Variants in TTC27 observed in about 807,000 individuals in gnomAD.
The protein encoded by TTC27 is tetratricopeptide repeat domain 27, also known as tetratricopeptide repeat protein 27.
TTC27 carries 79 observed loss-of-function variants against 115.9 expected under a neutral mutation model. The observed-to-expected ratio is 0.68, with a 90% CI of 0.57 to 0.82. The LOEUF is 0.82. Among genes scored for constraint, TTC27 ranks in the 40% least tolerant of loss-of-function variants. TTC27 has a pLI of 0.00. For synonymous variants in TTC27, 401 were observed against 356.0 expected (o/e 1.13, Z -1.42); for missense variants, 1,054 against 993.1 (o/e 1.06, Z -0.82).
At chr2:32,705,969 C>T (rs1376590887) in intron 10 of TTC27, among the ~76,000 whole-genome samples, 1 of 150,830 alleles carries the variant, frequency 6.6e-6, no homozygotes, top group Non-Finnish European at 1.5e-5. Context: ...AGAGCTTTCT[C>T]TTCTCATTTA....
At chr2:32,668,952 G>A (rs1031106192) in intron 7 of TTC27, among the ~76,000 whole-genome samples, 4 of 151,898 alleles carry the variant, frequency 2.6e-5, no homozygotes, top group Admixed American at 6.6e-5. Context: ...GGTGGCAGGC[G>A]CCTGTAGTCC....
intron 13 of TTC27, among the ~76,000 whole-genome samples, chr2:32,760,551 C>T (rs1181026698): frequency 6.6e-6 from 1 of 152,142 alleles, no homozygotes; most frequent in East Asian, 1.9e-4. Context: ...GAGAAACCCT[C>T]CTCTAACTTG....
At chr2:32,767,012 C>T (rs555302289) in intron 13 of TTC27, among the ~76,000 whole-genome samples, 25 of 152,242 alleles carry the variant, frequency 1.6e-4, no homozygotes, top group Admixed American at 1.6e-3. Context: ...TTTTGAACTC[C>T]TGGCCTCAAG....
At position 32,821,001 on chromosome 2, in the gene TTC27, A is replaced by G; in HGVS notation, c.*63A>G. ...CTGCTGGTAAAAGATACATCTGTAT[A>G]TCTGAAATGCAAGATATTGATTTTT... On this transcript the variant is annotated 3_prime_UTR_variant, in exon 20 of 20. Transcript: ENST00000317907. 7 of 1,345,066 alleles carry G rather than the reference A, an allele frequency of 5.2e-6. No individual in the cohort carries two copies. Among genetic ancestry groups the G allele is most frequent in the Non-Finnish European group, 6.8e-6 (7 of 1,029,542 alleles). The allele number at this position is 1,345,066 out of a possible 1,614,324, so 83.3% of individuals were successfully genotyped here.
At chr2:32,766,037 T>C (rs1397116817) in intron 13 of TTC27, among the ~76,000 whole-genome samples, 1 of 152,242 alleles carries the variant, frequency 6.6e-6, no homozygotes, top group Non-Finnish European at 1.5e-5. Flanking sequence ...GGAGCACTTT[T>C]AATTTCCTTC....
chr2:32,806,510 C>T (rs1671131608), intron 16 of TTC27, among the ~76,000 whole-genome samples: 1 of 152,106 alleles, frequency 6.6e-6, no homozygotes, highest in African/African-American at 2.4e-5. Flanking sequence ...TATACAATTA[C>T]TGTAATGGTT....
At chr2:32,682,731 C>T (rs534207378) in intron 9 of TTC27, among the ~76,000 whole-genome samples, 103 of 148,216 alleles carry the variant, frequency 6.9e-4, no homozygotes, top group African/African-American at 1.9e-3. Flanking sequence ...TGCAATGGCG[C>T]GATCTCAACT....
At chr2:32,739,522 T>C (rs1444233159) in intron 12 of TTC27, among the ~76,000 whole-genome samples, 3 of 152,158 alleles carry the variant, frequency 2.0e-5, no homozygotes, top group Non-Finnish European at 4.4e-5. Flanking sequence ...TTGTGTGTAA[T>C]AATGACAAAT....
At chr2:32,713,686 T>C (rs1667658698) in intron 10 of TTC27, among the ~76,000 whole-genome samples, 1 of 152,244 alleles carries the variant, frequency 6.6e-6, no homozygotes. Flanking sequence ...CTGTTTATAC[T>C]GCAATTTGAC....
At chr2:32,638,402 G>A (rs1011861469) in intron 3 of TTC27, among the ~76,000 whole-genome samples, 59 of 151,886 alleles carry the variant, frequency 3.9e-4, no homozygotes, top group African/African-American at 1.3e-3. Flanking sequence ...TTTTTCTAAG[G>A]CAGTCTCGCT....
At chr2:32,730,795 T>C (rs767355992) in intron 10 of TTC27, among the ~76,000 whole-genome samples, 2 of 151,816 alleles carry the variant, frequency 1.3e-5, no homozygotes, top group Non-Finnish European at 2.9e-5. Context: ...CTGATTTTTG[T>C]ATTTTTAGTA....
chr2:32,693,679 T>C (rs1666888153), intron 9 of TTC27, among the ~76,000 whole-genome samples: 1 of 152,202 alleles, frequency 6.6e-6, no homozygotes, highest in African/African-American at 2.4e-5. Flanking sequence ...TCATACTGTA[T>C]ATAAAACATA....
intron 13 of TTC27, among the ~76,000 whole-genome samples, chr2:32,776,595 T>A (rs1327300718): frequency 6.6e-6 from 1 of 152,076 alleles, no homozygotes; most frequent in East Asian, 1.9e-4. Flanking sequence ...TTTGTTAGTT[T>A]TTTGTGTTTT....
intron 10 of TTC27, among the ~76,000 whole-genome samples, chr2:32,703,327 C>A (rs1667255619): frequency 6.6e-6 from 1 of 152,076 alleles, no homozygotes; most frequent in Admixed American, 6.6e-5. Context: ...ATTAGCCAGG[C>A]GTGGTGGTGG....
At chr2:32,668,027 T>C (rs1279133988) in intron 7 of TTC27, among the ~76,000 whole-genome samples, 1 of 148,012 alleles carries the variant, frequency 6.8e-6, no homozygotes. Flanking sequence ...CTATTAAAAA[T>C]ACAAAAAAAA....
At chr2:32,659,355 C>CTT (rs78014491) in intron 5 of TTC27, among the ~76,000 whole-genome samples, 1,213 of 118,212 alleles carry the variant, frequency 0.01, 27 homozygotes, top group African/African-American at 0.03. Context: ...GGTGTTACCT[C>CTT]TTTTTTTTTT....
chr2:32,787,808 C>CTAAATAAATAAA (rs34416911), intron 16 of TTC27, among the ~76,000 whole-genome samples: 77 of 151,124 alleles, frequency 5.1e-4, no homozygotes, highest in Admixed American at 1.7e-3. Flanking sequence ...AACTCTGTCT[C>CTAAATAAATAAA]TAAATAAATA....
At chr2:32,778,591 C>T (rs1201023547) in intron 14 of TTC27, among the ~76,000 whole-genome samples, 1 of 152,172 alleles carries the variant, frequency 6.6e-6, no homozygotes, top group African/African-American at 2.4e-5. Context: ...TAAATGGATT[C>T]ATACTTTTTG....
intron 3 of TTC27, among the ~76,000 whole-genome samples, chr2:32,638,134 A>T (rs1157365223): frequency 6.6e-6 from 1 of 152,202 alleles, no homozygotes; most frequent in Non-Finnish European, 1.5e-5. Flanking sequence ...GGCTTCACTT[A>T]ATTTTTATGG....
Sources: allele counts gnomAD v4.1 joint callset (sites outside exome capture counted in the v4.1 genomes callset), GRCh38; gene constraint gnomAD v4.1.1; transcripts MANE v1.5; gene names NCBI Gene and HGNC (gene_info 2026-07-23, HGNC 2026-07-21).